The following PCDHGA1 variants were observed in gnomAD, a reference collection of about 807,000 sequenced individuals.
The protein encoded by PCDHGA1 is protocadherin gamma-A1.
In PCDHGA1, 32 loss-of-function variants were observed where a neutral mutation model predicts 58.0. The observed-to-expected ratio is 0.55, with a 90% CI of 0.42 to 0.74. The LOEUF is 0.74. Ranked by LOEUF, PCDHGA1 falls within the 30% of genes least tolerant of loss-of-function variation. PCDHGA1 has a pLI of 0.00. For missense variants in PCDHGA1, 1,205 were observed against 1,182.3 expected, an observed-to-expected ratio of 1.02 and a Z score of -0.28; for synonymous variants, 498 against 501.1, an observed-to-expected ratio of 0.99 and a Z score of 0.08.
intron 1 of PCDHGA1, chr5:141,384,367 T>G (rs1780005491): frequency 1.2e-6 from 2 of 1,613,766 alleles, no homozygotes; most frequent in African/African-American, 2.7e-5. Flanking sequence ...GATCACTTAT[T>G]CCTTGGCCGA....
chr5:141,436,958 G>C (rs2097855854), intron 1 of PCDHGA1, among the ~76,000 whole-genome samples: 1 of 152,124 alleles, frequency 6.6e-6, no homozygotes, highest in Non-Finnish European at 1.5e-5. Context: ...ATCTAAACAA[G>C]GATCTTGTGA....
intron 1 of PCDHGA1, among the ~76,000 whole-genome samples, chr5:141,463,736 G>A (rs757788192): frequency 1.3e-5 from 2 of 151,992 alleles, no homozygotes; most frequent in East Asian, 3.9e-4. Flanking sequence ...ATGAGCCACC[G>A]CGCCCGGCCT....
At chr5:141,413,129 A>G in intron 1 of PCDHGA1, 2 of 1,536,352 alleles carry the variant, frequency 1.3e-6, no homozygotes, top group East Asian at 2.3e-5. Context: ...GTTGAAACAC[A>G]CAACGTGTCC....
At chr5:141,378,443 A>C (rs1022226439) in intron 1 of PCDHGA1, 2 of 152,300 alleles carry the variant, frequency 1.3e-5, no homozygotes, top group Non-Finnish European at 2.9e-5. Context: ...GAATCGCTTG[A>C]ACCCATGAGG....
intron 1 of PCDHGA1, chr5:141,409,980 C>T (rs2095343394): frequency 6.2e-7 from 1 of 1,613,322 alleles, no homozygotes; most frequent in Non-Finnish European, 8.5e-7. Context: ...AAGGTGGTAG[C>T]GGTGGACGCC....
In PCDHGA1 at chr5:141,486,341, C is replaced by T; in HGVS notation, c.2422-8466C>T. On this transcript the variant is annotated intron_variant, in intron 1 of 3. Coordinates refer to ENST00000517417, the MANE Select transcript of PCDHGA1 (RefSeq NM_018912.3). The surrounding 1 kb of genome is among the most constrained non-coding windows in gnomAD (Gnocchi z 5.0). ...AAACGGAGATGTGAGCCTCCGCATTCCTGACCACTTGCCATTTGCCCTCAA... is the reference window on the plus strand; with the variant it reads ...AAACGGAGATGTGAGCCTCCGCATTTCTGACCACTTGCCATTTGCCCTCAA... The T allele has an allele frequency of 6.2e-7, 1 of 1,614,128 alleles. No individual in the cohort carries two copies. Among genetic ancestry groups the T allele is most frequent in the Non-Finnish European group, 8.5e-7 (1 of 1,179,992 alleles).
At chr5:141,421,843 G>C (rs769652818) in intron 1 of PCDHGA1, 1 of 1,613,798 alleles carries the variant, frequency 6.2e-7, no homozygotes, top group Non-Finnish European at 8.5e-7. Context: ...CCGAGAGAAA[G>C]AGGCTGCTCA....
intron 1 of PCDHGA1, chr5:141,478,511 C>CA: frequency 3.1e-6 from 5 of 1,611,778 alleles, no homozygotes; most frequent in Non-Finnish European, 4.2e-6. Context: ...GTTCTATAGG[C>CA]AGGTGTTGGG....
At chr5:141,339,047 G>A (rs760227375) in intron 1 of PCDHGA1, 1 of 1,610,298 alleles carries the variant, frequency 6.2e-7, no homozygotes, top group East Asian at 2.2e-5. Context: ...CCTGTGGGAG[G>A]CCAGGGCCGG....
chr5:141,375,125 G>C (rs376049572), intron 1 of PCDHGA1: 128 of 1,613,766 alleles, frequency 7.9e-5, no homozygotes, highest in African/African-American at 1.3e-5. Context: ...ACCAGAAGTG[G>C]TTGTTACATC....
At chr5:141,336,184 T>C (rs1339027429) in intron 1 of PCDHGA1, among the ~76,000 whole-genome samples, 1 of 151,708 alleles carries the variant, frequency 6.6e-6, no homozygotes, top group East Asian at 1.9e-4. Flanking sequence ...ATAAAACCAG[T>C]GGGGAGAAAA....
rs748873655 is a variant in PCDHGA1 at position 141,410,002 on chromosome 5, C to A, written c.2421+76897C>A. The A allele has an allele frequency of 1.1e-5, 18 of 1,613,250 alleles. No individual in the cohort carries two copies. Among genetic ancestry groups the A allele is most frequent in the Middle Eastern group, 1.7e-4 (1 of 6,056 alleles). On this transcript the variant is annotated intron_variant, in intron 1 of 3. Coordinates refer to ENST00000517417, the MANE Select transcript of PCDHGA1 (RefSeq NM_018912.3). ...TAGCGGTGGACGCCGACTCGGGACA[C>A]AACGCCTGGCTGTCCTACCACGTGC...
At chr5:141,340,558 A>G in intron 1 of PCDHGA1, 2 of 1,614,204 alleles carry the variant, frequency 1.2e-6, no homozygotes, top group South Asian at 1.1e-5. Flanking sequence ...GAGACTTGCA[A>G]GTGTGGGTGA....
At position 141,395,537 on chromosome 5, in the gene PCDHGA1, A is replaced by T. The variant is rs946783125; in HGVS notation, c.2421+62432A>T. 3.3e-5 allele frequency: 8 copies of T among 243,972 alleles called. No homozygotes were observed. In the African/African-American group the frequency reaches 3.8e-4, roughly 12 times the overall value. 15.1% of individuals were successfully genotyped at this position (243,972 alleles called of 1,614,324 possible). On this transcript the variant is annotated intron_variant, in intron 1 of 3. Transcript: ENST00000517417. ...ACCCGTCCATACTGGTAATTTTGCT[A>T]TTGTTTGTGTGTGTGTGTGTGTGTG...
intron 1 of PCDHGA1, chr5:141,384,288 G>C: frequency 6.2e-7 from 1 of 1,613,784 alleles, no homozygotes; most frequent in South Asian, 1.1e-5. Flanking sequence ...ACATCGCTGA[G>C]AACAACCCCA....
At chr5:141,372,288 T>A in intron 1 of PCDHGA1, 1 of 1,613,284 alleles carries the variant, frequency 6.2e-7, no homozygotes, top group East Asian at 2.2e-5. Context: ...GGCGCGTACC[T>A]TGGGCGACAG....
intron 1 of PCDHGA1, among the ~76,000 whole-genome samples, chr5:141,452,745 GGAA>G (rs2098748194): frequency 6.6e-6 from 1 of 152,054 alleles, no homozygotes; most frequent in Non-Finnish European, 1.5e-5. Flanking sequence ...AGAGAGAGAA[GGAA>G]GAAGGAAGGG....
chr5:141,331,683 A>G lies in PCDHGA1; in HGVS notation c.999A>G (p.Val333=), dbSNP rs774755788. 1.9e-6 allele frequency: 3 copies of G among 1,613,874 alleles called. No homozygotes were observed. Among genetic ancestry groups the G allele is most frequent in the Non-Finnish European group, 2.5e-6 (3 of 1,179,970 alleles). Residue 333 remains valine, a synonymous_variant, in exon 1 of 4, where the codon GTA becomes GTG. Coordinates refer to ENST00000517417, the MANE Select transcript of PCDHGA1 (RefSeq NM_018912.3). ...DGAGLMAKVK[V]LIKVLDVNDN... The stretch of plus-strand genomic sequence containing the variant: ...CGGGGCTCATGGCTAAAGTTAAGGT[A>G]CTGATCAAAGTTTTGGATGTAAATG...
chr5:141,355,438 C>G, intron 1 of PCDHGA1: 3 of 1,614,084 alleles, frequency 1.9e-6, no homozygotes, highest in Non-Finnish European at 2.5e-6. Flanking sequence ...CCTGAACCCG[C>G]GCAGCGGCAC....
Sources: gnomAD v4.1 joint callset for allele counts (sites outside exome capture counted in the v4.1 genomes callset) on GRCh38, gnomAD v4.1.1 for gene constraint, Gnocchi (gnomAD v3.1) non-coding constraint, MANE v1.5 for transcripts, NCBI Gene and HGNC (gene_info 2026-07-23, HGNC 2026-07-21) for gene names.